RELN: variants seen among roughly 807,000 people sequenced by gnomAD.
RELN encodes the protein reelin.
A neutral mutation model predicts 427.6 loss-of-function variants in RELN; 108 were observed. The observed-to-expected ratio is 0.25, with a 90% confidence interval of 0.22 to 0.30. The LOEUF (loss-of-function observed/expected upper bound fraction) is 0.30, where lower values mean the gene tolerates loss of function less well. Ranked by LOEUF, RELN falls within the 10% of genes least tolerant of loss-of-function variation. The pLI is 1.00. For missense variants in RELN, 3,715 were observed against 4,302.8 expected, an observed-to-expected ratio of 0.86 and a Z score of 3.82; for synonymous variants, 1,524 against 1,513.4, an observed-to-expected ratio of 1.01 and a Z score of -0.16.
rs569220249 is a variant in RELN, at chr7:103,638,859, A to G, written c.2069+1684T>C. ...ATGGGTGGCATAGATGGTAGCCTTA[A>G]TGAAACCACTTAATTCTAAGAGGAA... On this transcript the variant is annotated intron_variant, in intron 17 of 64. Coordinates refer to ENST00000428762, the MANE Select transcript of RELN (RefSeq NM_005045.4). Among the ~76,000 whole-genome samples, 13 of 152,366 alleles carry G rather than the reference A, an allele frequency of 8.5e-5. No homozygotes were observed. In the South Asian group the frequency reaches 2.7e-3, roughly 32 times the overall value.
chr7:103,816,567 A>AC (rs1554424792), intron 3 of RELN, among the ~76,000 whole-genome samples: 1 of 150,288 alleles, frequency 6.7e-6, no homozygotes, highest in Non-Finnish European at 1.5e-5. Flanking sequence ...ACACACACAC[A>AC]ACTAAGGCCT....
intron 4 of RELN, among the ~76,000 whole-genome samples, chr7:103,757,026 A>G (rs1332634707): frequency 1.3e-5 from 2 of 152,200 alleles, no homozygotes; most frequent in African/African-American, 2.4e-5. Context: ...GAAGTTCACC[A>G]TCTTTTCCAC....
chr7:103,472,953 G>C (rs770049940), intron 64 of RELN, 45 bp from the exon 65 acceptor site: 1 of 1,390,766 alleles, frequency 7.2e-7, no homozygotes, highest in East Asian at 2.3e-5. Context: ...AAAGGAAAAA[G>C]AGCATGTAAG....
At chr7:103,680,431 T>C (rs1833627637) in intron 11 of RELN, among the ~76,000 whole-genome samples, 1 of 152,018 alleles carries the variant, frequency 6.6e-6, no homozygotes, top group Non-Finnish European at 1.5e-5. Context: ...TGGGAGTAAA[T>C]GAGTCTCTTG....
At chr7:103,763,303 A>C (rs1791348842) in intron 4 of RELN, among the ~76,000 whole-genome samples, 1 of 152,174 alleles carries the variant, frequency 6.6e-6, no homozygotes, top group African/African-American at 2.4e-5. Flanking sequence ...TTTTTGGAAA[A>C]GTGTCCTTGC....
chr7:103,557,360 G>T (rs1777284437), intron 37 of RELN, among the ~76,000 whole-genome samples: 1 of 152,142 alleles, frequency 6.6e-6, no homozygotes, highest in Non-Finnish European at 1.5e-5. Flanking sequence ...CCAAAGCTTG[G>T]ATTTGCACAC....
intron 38 of RELN, 39 bp downstream of exon 38, chr7:103,556,938 C>T (rs1220856998): frequency 6.6e-7 from 1 of 1,509,584 alleles, no homozygotes; most frequent in Non-Finnish European, 9.2e-7. Context: ...TAACATGCCA[C>T]TATCAGTTCT....
At position 103,558,039 on chromosome 7, in the gene RELN, C is replaced by T. The variant is rs1260461278; in HGVS notation, c.5540G>A (p.Arg1847Lys). The T allele has an allele frequency of 2.7e-6, 4 of 1,503,422 alleles. No individual in the cohort carries two copies. Among genetic ancestry groups the T allele is most frequent in the South Asian group, 2.3e-5 (2 of 88,614 alleles). The allele number at this position is 1,503,422 out of a possible 1,614,324, so 93.1% of individuals were successfully genotyped here. ...ATCTAGATCTCTTGAAATAAGCATC[C>T]TTAGTCCTTCCTGAAAATAAAAACA... ...TSLIFKGEGLRMLISRDLDCT... is the reference protein window; with the variant it reads ...TSLIFKGEGLKMLISRDLDCT... Residue 1847 changes from arginine (R) to lysine (K), a missense_variant, in exon 37 of 65, where the codon AGG (arginine) becomes AAG (lysine). By Grantham distance (26) the Arg-to-Lys change is conservative. Around this residue, in one of 4 missense-constraint regions of RELN, gnomAD observed 2,208 missense variants for 2,361.7 expected, o/e 0.93. Transcript: ENST00000428762.
intron 5 of RELN, among the ~76,000 whole-genome samples, chr7:103,750,528 C>T (rs1223614796): frequency 1.3e-5 from 2 of 152,158 alleles, no homozygotes; most frequent in African/African-American, 2.4e-5. Context: ...TCATCCATGG[C>T]TTCCAAGAGA....
At chr7:103,938,095 C>T (rs1334724398) in intron 1 of RELN, among the ~76,000 whole-genome samples, 1 of 152,006 alleles carries the variant, frequency 6.6e-6, no homozygotes, top group Non-Finnish European at 1.5e-5. Context: ...CCAAGGTGGT[C>T]ACATCACTTG....
chr7:103,725,791 G>A (rs1790196372), intron 7 of RELN, among the ~76,000 whole-genome samples: 1 of 152,054 alleles, frequency 6.6e-6, no homozygotes, highest in Non-Finnish European at 1.5e-5. Context: ...AGGGGTGCAT[G>A]GCACAGCTGT....
chr7:103,582,253 G>A (rs919585438), intron 28 of RELN, among the ~76,000 whole-genome samples: 6 of 152,158 alleles, frequency 3.9e-5, no homozygotes, highest in African/African-American at 1.4e-4. Flanking sequence ...GAGAAAGAAT[G>A]AACTTCTATA....
intron 17 of RELN, among the ~76,000 whole-genome samples, chr7:103,638,874 T>C (rs1832639135): frequency 6.6e-6 from 1 of 152,202 alleles, no homozygotes; most frequent in Non-Finnish European, 1.5e-5. Context: ...ACCACTTAAT[T>C]CTAAGAGGAA....
chr7:103,744,399 G>A (rs972789887), intron 6 of RELN, among the ~76,000 whole-genome samples: 2 of 151,966 alleles, frequency 1.3e-5, no homozygotes, highest in African/African-American at 4.8e-5. Flanking sequence ...CAGAAGGCAA[G>A]AAATAACTAA....
rs372876082 is a variant in RELN, at chr7:103,495,927, C to T, written c.9194-29G>A. 8.1e-6 allele frequency: 13 copies of T among 1,610,942 alleles called. No individual in the cohort carries two copies. In the African/African-American group the frequency reaches 1.7e-4, roughly 21 times the overall value. ...TTAAGGAAAATTGGAAGCAATATGG[C>T]ATATTATTCTCTTGAGGAAAATTGG... On this transcript the variant is annotated intron_variant, in intron 56 of 64. Transcript: ENST00000428762.
intron 63 of RELN, among the ~76,000 whole-genome samples, chr7:103,478,849 T>C (rs778394121): frequency 4.6e-5 from 7 of 152,342 alleles, no homozygotes; most frequent in South Asian, 4.1e-4. Context: ...AGGACAAATA[T>C]GCTTTGCAAC....
At chr7:103,833,913 G>A (rs1217092844) in intron 2 of RELN, among the ~76,000 whole-genome samples, 1 of 152,126 alleles carries the variant, frequency 6.6e-6, no homozygotes, top group Non-Finnish European at 1.5e-5. Context: ...CTTTGATTTT[G>A]TTGATTGATT....
At chr7:103,491,647 T>A (rs1462801771) in intron 58 of RELN, among the ~76,000 whole-genome samples, 2 of 151,946 alleles carry the variant, frequency 1.3e-5, no homozygotes, top group African/African-American at 4.8e-5. Flanking sequence ...CTGACCAACA[T>A]GGAGAAACCC....
chr7:103,585,975 G>T (rs114536939), intron 28 of RELN, among the ~76,000 whole-genome samples: 1 of 152,036 alleles, frequency 6.6e-6, no homozygotes, highest in Non-Finnish European at 1.5e-5. Context: ...TTCAATAAAC[G>T]CAGAAAGAGC....
Sources: allele counts gnomAD v4.1 joint callset (sites outside exome capture counted in the v4.1 genomes callset), GRCh38; gene constraint gnomAD v4.1.1; regional missense constraint gnomAD v4.1.1; transcripts MANE v1.5; gene names NCBI Gene and HGNC (gene_info 2026-07-23, HGNC 2026-07-21).